NPM1: variants seen among roughly 807,000 people sequenced by gnomAD.
NPM1 encodes the protein nucleophosmin.
Under a neutral mutation model 44.1 loss-of-function variants are expected in NPM1, and 1 was observed. That is an observed-to-expected ratio of 0.02 (90% CI 0.01 to 0.11). The LOEUF (loss-of-function observed/expected upper bound fraction) is 0.11, where lower values mean the gene tolerates loss of function less well. NPM1 is among the 10% of genes least tolerant of loss of function. The probability of loss-of-function intolerance (pLI) is 1.00; values close to 1 mark genes in which losing one functional copy is unlikely to be tolerated. For missense variants in NPM1, 197 were observed against 347.8 expected (o/e 0.57, Z 3.45); for synonymous variants, 126 against 111.8 (o/e 1.13, Z -0.80).
chr5:171,388,833 A>C (rs971410686), intron 1 of NPM1, among the ~76,000 whole-genome samples: 1 of 152,324 alleles, frequency 6.6e-6, no homozygotes, highest in East Asian at 1.9e-4. Flanking sequence ...AGATGAGGAT[A>C]CTGGTGCCCA....
At chr5:171,387,791 C>G, upstream of NPM1, 2 of 699,284 alleles carry the variant, frequency 2.9e-6, no homozygotes, top group East Asian at 2.8e-5. Context: ...GGAGGCGGGA[C>G]TTGGGAAGCG....
Position 171,405,378 on chromosome 5 carries a change from C to T in NPM1, c.746C>T (p.Ala249Val), listed in dbSNP as rs377348662. The T allele has an allele frequency of 6.4e-7, 1 of 1,567,038 alleles. No individual in the cohort carries two copies. Among genetic ancestry groups the T allele is most frequent in the Non-Finnish European group, 8.7e-7 (1 of 1,144,178 alleles). Residue 249 changes from alanine to valine, a missense_variant, in exon 9 of 11, where the codon GCA becomes GTA. Transcript: ENST00000296930. ...KGPSSVEDIK[A>V]KMQASIEKGG... is the part of the protein sequence containing the mutation. The stretch of plus-strand genomic sequence containing the variant: ...CCTAGTTCTGTAGAAGACATTAAAG[C>T]AAAAATGCAAGCAAGTATAGAAAAA...
intron 1 of NPM1, among the ~76,000 whole-genome samples, chr5:171,388,487 C>A (rs1267856310): frequency 6.6e-6 from 1 of 151,082 alleles, no homozygotes; most frequent in Non-Finnish European, 1.5e-5. Flanking sequence ...CTGGAGCTGC[C>A]GGACGTAGAC....
In NPM1 at chr5:171,403,640, AC is replaced by A. The variant is rs531134823; in HGVS notation, c.670-1654del. Among the ~76,000 whole-genome samples, 359 of 59,908 alleles carry A rather than the reference AC, an allele frequency of 6.0e-3. 3 individuals are homozygous for A. Among genetic ancestry groups the A allele is most frequent in the Middle Eastern group, 0.015 (1 of 66 alleles). The allele number at this position is 59,908 out of a possible 152,430, so 39.3% of individuals were successfully genotyped here. On this transcript the variant is annotated intron_variant, in intron 8 of 10. Coordinates refer to ENST00000296930, the MANE Select transcript of NPM1 (RefSeq NM_002520.7). ...GGCGGCTGGCCGGGCAGGGGGGCTG[AC>A]CCCCCCCACCTCCCTCCCGGACGGG... is the stretch of plus-strand genomic sequence containing the variant.
chr5:171,405,599 A>G, intron 9 of NPM1, 196 bp downstream of exon 9: 1 of 577,602 alleles, frequency 1.7e-6, no homozygotes, highest in Non-Finnish European at 3.1e-6. Flanking sequence ...CATATGCAAA[A>G]TTAAATATGC....
intron 6 of NPM1, among the ~76,000 whole-genome samples, chr5:171,399,649 A>G (rs1771089029): frequency 6.6e-6 from 1 of 151,628 alleles, no homozygotes. Flanking sequence ...TCTTGGCAAT[A>G]TCTGAACATG....
In NPM1 at chr5:171,410,792, T is replaced by A. The variant is rs1771790993; in HGVS notation, c.*227T>A. 1 of 442,266 alleles carries A rather than the reference T, an allele frequency of 2.3e-6. No homozygotes were observed. The highest frequency in any genetic ancestry group is 4.0e-6 in the Non-Finnish European group (1 of 250,488). 27.4% of individuals were successfully genotyped at this position (442,266 alleles called of 1,614,324 possible). On this transcript the variant is annotated 3_prime_UTR_variant, in exon 11 of 11. Coordinates refer to ENST00000296930, the MANE Select transcript of NPM1 (RefSeq NM_002520.7). ...GGTTTTAAGTATGTATGGAATGTTATGATAGGACATAGTAGTAGCGGTGGT... is the reference window on the plus strand; with the variant it reads ...GGTTTTAAGTATGTATGGAATGTTAAGATAGGACATAGTAGTAGCGGTGGT...
intron 8 of NPM1, among the ~76,000 whole-genome samples, chr5:171,403,751 CCCT>C (rs1771389898): frequency 7.1e-6 from 1 of 141,608 alleles, no homozygotes; most frequent in African/African-American, 2.6e-5. Context: ...CCCCCCACCT[CCCT>C]CCCGGACGGG....
At chr5:171,396,347 A>G (rs889269805) in intron 6 of NPM1, among the ~76,000 whole-genome samples, 2 of 152,196 alleles carry the variant, frequency 1.3e-5, no homozygotes, top group Admixed American at 6.5e-5. Flanking sequence ...TTGTTTTAAC[A>G]AATAAGAAAA....
intron 1 of NPM1, 86 bp from the exon 2 acceptor site, chr5:171,389,964 AG>A: frequency 1.3e-6 from 1 of 758,732 alleles, no homozygotes; most frequent in South Asian, 1.7e-5. Context: ...CTAGTTCAAA[AG>A]TTAGACCTGA....
chr5:171,400,334 GTCCTGA>G (rs1771128780), intron 7 of NPM1, 124 bp downstream of exon 7: 53 of 522,020 alleles, frequency 1.0e-4, no homozygotes, highest in South Asian at 1.7e-4. Flanking sequence ...CTGAAAATTA[GTCCTGA>G]GGAGGATTAC....
chr5:171,395,519 C>T (rs569731512), intron 6 of NPM1, among the ~76,000 whole-genome samples: 72 of 152,168 alleles, frequency 4.7e-4, no homozygotes, highest in African/African-American at 1.7e-3. Flanking sequence ...AAGCTGGTCT[C>T]GAACTCCAAA....
chr5:171,400,133 T>A lies in NPM1; in HGVS notation c.525-20T>A. On this transcript the variant is annotated intron_variant, in intron 6 of 10. Transcript: ENST00000296930. ...TCCCAAATTTTGAAAGTGCTTAATG[T>A]CTTGACATTTCATTTGTAGTGATGA... 1 of 1,432,666 alleles carries A rather than the reference T, an allele frequency of 7.0e-7. No homozygotes were observed. Among genetic ancestry groups the A allele is most frequent in the South Asian group, 1.1e-5 (1 of 87,358 alleles). 88.7% of individuals were successfully genotyped at this position (1,432,666 alleles called of 1,614,324 possible).
At chr5:171,400,253 A>G (rs750139594) in intron 7 of NPM1, 43 bp downstream of exon 7, 6 of 1,611,148 alleles carry the variant, frequency 3.7e-6, no homozygotes, top group Non-Finnish European at 4.2e-6. Flanking sequence ...CTAACAATAG[A>G]AATGGTGATT....
At chr5:171,401,817 C>A (rs947133639) in intron 8 of NPM1, among the ~76,000 whole-genome samples, 17 of 152,158 alleles carry the variant, frequency 1.1e-4, no homozygotes, top group African/African-American at 3.9e-4. Context: ...AAGTTCTCAA[C>A]CTTGGCTGCA....
chr5:171,399,548 T>C (rs1561870401), intron 6 of NPM1, among the ~76,000 whole-genome samples: 2 of 152,212 alleles, frequency 1.3e-5, no homozygotes, highest in Non-Finnish European at 2.9e-5. Context: ...TGGGTTTGTT[T>C]ATAAATTTTA....
intron 6 of NPM1, among the ~76,000 whole-genome samples, chr5:171,394,475 CTT>C (rs1770771094): frequency 2.0e-5 from 3 of 152,056 alleles, no homozygotes; most frequent in Admixed American, 2.0e-4. Flanking sequence ...TGCCCGGCCA[CTT>C]TTTTTCTTGA....
chr5:171,393,857 G>T (rs1476369415), intron 6 of NPM1, among the ~76,000 whole-genome samples: 2 of 152,074 alleles, frequency 1.3e-5, no homozygotes. Flanking sequence ...GTATGACCAG[G>T]CGCAGTGGTT....
At chr5:171,400,589 T>A (rs1382204176) in intron 7 of NPM1, among the ~76,000 whole-genome samples, 2 of 151,774 alleles carry the variant, frequency 1.3e-5, no homozygotes, top group African/African-American at 4.8e-5. Flanking sequence ...CCTGAGTAGC[T>A]GGAATTACAG....
Sources: gnomAD v4.1 joint callset for allele counts (sites outside exome capture counted in the v4.1 genomes callset) on GRCh38, gnomAD v4.1.1 for gene constraint, MANE v1.5 for transcripts, NCBI Gene and HGNC (gene_info 2026-07-23, HGNC 2026-07-21) for gene names.